UNC80: variants seen among roughly 807,000 people sequenced by gnomAD.
UNC80 encodes unc-80 subunit of NALCN channel complex.
Under a neutral mutation model 384.6 loss-of-function variants are expected in UNC80, and 164 were observed. The observed-to-expected ratio is 0.43, with a 90% CI of 0.38 to 0.49. The LOEUF is 0.49. Ranked by LOEUF, UNC80 falls within the 20% of genes least tolerant of loss-of-function variation. The probability of loss-of-function intolerance (pLI) is 0.00; values close to 1 mark genes in which losing one functional copy is unlikely to be tolerated. For missense variants in UNC80, 3,330 were observed against 4,143.0 expected, an observed-to-expected ratio of 0.80 and a Z score of 5.39; for synonymous variants, 1,486 against 1,527.8, an observed-to-expected ratio of 0.97 and a Z score of 0.64.
chr2:209,841,480 C>T (rs962755640), intron 20 of UNC80, among the ~76,000 whole-genome samples: 3 of 152,106 alleles, frequency 2.0e-5, no homozygotes, highest in South Asian at 2.1e-4. Flanking sequence ...CTCAGCCTCC[C>T]GAGTAGCTGG....
At chr2:209,860,856 C>T (rs767125812) in intron 22 of UNC80, among the ~76,000 whole-genome samples, 8 of 151,882 alleles carry the variant, frequency 5.3e-5, no homozygotes, top group Admixed American at 2.0e-4. Context: ...GCTTGTCTAT[C>T]GCTGCTGTAA....
In UNC80 at chr2:209,996,180, G is replaced by A. The variant is rs1216825891; in HGVS notation, c.*585G>A. On this transcript the variant is annotated 3_prime_UTR_variant, in exon 65 of 65. Transcript: ENST00000673920. Reference sequence around the variant, plus strand: ...AGAAAAAAATACTATATAGAGAGCTGTGGACTTTTAGATATTTATTTTTCA... The same window carrying A: ...AGAAAAAAATACTATATAGAGAGCTATGGACTTTTAGATATTTATTTTTCA... The A allele has an allele frequency of 1.3e-5, 2 of 152,114 alleles. No individual in the cohort carries two copies. The highest frequency in any genetic ancestry group is 4.8e-5 in the African/African-American group (2 of 41,400). The allele number at this position is 152,114 out of a possible 1,614,324, so 9.4% of individuals were successfully genotyped here.
At chr2:209,841,798 T>A (rs141857421) in intron 20 of UNC80, among the ~76,000 whole-genome samples, 2,021 of 152,288 alleles carry the variant, frequency 0.013, 48 homozygotes, top group African/African-American at 0.044. Context: ...TGTATTTGAG[T>A]TTGTGTGGCC....
In UNC80 at chr2:209,816,974, G is replaced by T; in HGVS notation, c.1401G>T (p.Arg467Ser). The change falls in exon 10 of 65, where the codon AGG (arginine) becomes AGT (serine). Residue 467 changes from arginine (R) to serine (S), a missense_variant. Coordinates refer to ENST00000673920, the MANE Select transcript of UNC80 (RefSeq NM_001371986.1). Reference sequence around the variant, plus strand: ...TTCCATTCCACCACACAGGCAAGAGGAGGCCACGGAGAATGGGAGTGCCCT... The same window carrying T: ...TTCCATTCCACCACACAGGCAAGAGTAGGCCACGGAGAATGGGAGTGCCCT... The part of the protein sequence containing the change: ...GSIPFHHTGK[R>S]RPRRMGVPFL... 2 of 1,551,698 alleles carry T rather than the reference G, an allele frequency of 1.3e-6. No individual in the cohort carries two copies. The highest frequency in any genetic ancestry group is 8.7e-7 in the Non-Finnish European group (1 of 1,147,006).
chr2:209,898,100 T>TG (rs1261496575), intron 28 of UNC80, among the ~76,000 whole-genome samples: 7 of 152,136 alleles, frequency 4.6e-5, no homozygotes, highest in Non-Finnish European at 1.0e-4. Flanking sequence ...TGGTGGATTG[T>TG]CTTCTCTTCT....
At chr2:209,977,353 A>T (rs2093039041) in intron 58 of UNC80, among the ~76,000 whole-genome samples, 1 of 152,232 alleles carries the variant, frequency 6.6e-6, no homozygotes, top group Non-Finnish European at 1.5e-5. Flanking sequence ...TTTAGTAGTT[A>T]ATCTCTTTCT....
Position 209,918,671 on chromosome 2 carries a change from A to G in UNC80, c.5343+8A>G, listed in dbSNP as rs1559328590. 6.5e-7 allele frequency: 1 copy of G among 1,542,772 alleles called. No homozygotes were observed. Among genetic ancestry groups the G allele is most frequent in the South Asian group, 1.2e-5 (1 of 82,720 alleles). ...ATTAATGAAGACCAGTCTGTGAGTA[A>G]CAGACACTTCCAGGTTCCATGGTGT... On this transcript the variant is annotated splice_region_variant and intron_variant, in intron 33 of 64. Coordinates refer to ENST00000673920, the MANE Select transcript of UNC80 (RefSeq NM_001371986.1).
intron 6 of UNC80, among the ~76,000 whole-genome samples, chr2:209,790,944 A>C (rs1221008337): frequency 6.6e-6 from 1 of 152,200 alleles, no homozygotes; most frequent in Non-Finnish European, 1.5e-5. Context: ...TCTTAATGTT[A>C]CGTAAAATAA....
At chr2:209,947,966 A>C (rs2124986587) in intron 47 of UNC80, among the ~76,000 whole-genome samples, 1 of 152,304 alleles carries the variant, frequency 6.6e-6, no homozygotes, top group African/African-American at 2.4e-5. Context: ...TCTGTCATTC[A>C]GTATTATTTC....
At chr2:209,902,239 T>G (rs1431574206) in intron 28 of UNC80, among the ~76,000 whole-genome samples, 4 of 152,206 alleles carry the variant, frequency 2.6e-5, no homozygotes, top group Non-Finnish European at 4.4e-5. Flanking sequence ...AAGATGTGAC[T>G]AAATTGCTGC....
At chr2:209,855,530 A>G (rs2082844168) in intron 22 of UNC80, among the ~76,000 whole-genome samples, 1 of 152,188 alleles carries the variant, frequency 6.6e-6, no homozygotes, top group South Asian at 2.1e-4. Context: ...AAAGAAAAAA[A>G]TCTAAAAATC....
At chr2:209,939,720 TTTA>T (rs1042020326) in intron 43 of UNC80, 68 bp downstream of exon 43, 5 of 1,363,810 alleles carry the variant, frequency 3.7e-6, no homozygotes, top group East Asian at 2.5e-5. Context: ...TTTTTAAAAT[TTTA>T]TTATTATTAT....
intron 61 of UNC80, among the ~76,000 whole-genome samples, chr2:209,990,844 C>G (rs569387542): frequency 6.6e-6 from 1 of 152,272 alleles, no homozygotes; most frequent in South Asian, 2.1e-4. Flanking sequence ...TTTTGGTACT[C>G]TTTATGAATT....
chr2:209,818,016 A>G, intron 11 of UNC80, 64 bp downstream of exon 11: 1 of 1,512,908 alleles, frequency 6.6e-7, no homozygotes, highest in South Asian at 1.2e-5. Context: ...CTGTCCTTAC[A>G]CCATGTTACT....
chr2:209,905,731 C>T (rs1224938922), intron 29 of UNC80, among the ~76,000 whole-genome samples: 1 of 152,186 alleles, frequency 6.6e-6, no homozygotes, highest in Admixed American at 6.5e-5. Flanking sequence ...GTAAAAGAGT[C>T]ATCTAGGTCA....
rs774016032 is a variant in UNC80 at position 209,998,027 on chromosome 2, T to C, written c.*2432T>C. 5 of 152,218 alleles carry C rather than the reference T, an allele frequency of 3.3e-5. No homozygotes were observed. Among genetic ancestry groups the C allele is most frequent in the Non-Finnish European group, 5.9e-5 (4 of 68,036 alleles). 9.4% of individuals were successfully genotyped at this position (152,218 alleles called of 1,614,324 possible). The stretch of plus-strand genomic sequence containing the variant: ...TATTATTAAGTACATGACTAAAAGC[T>C]AATTACTACATATGATAAATGCAGT... On this transcript the variant is annotated 3_prime_UTR_variant, in exon 65 of 65. Transcript: ENST00000673920.
chr2:209,913,557 T>A (rs931442736), intron 30 of UNC80, among the ~76,000 whole-genome samples: 48 of 152,208 alleles, frequency 3.2e-4, no homozygotes, highest in African/African-American at 1.1e-3. Context: ...TACTCCTTGG[T>A]CGCAAAGCAA....
intron 15 of UNC80, 99 bp downstream of exon 15, chr2:209,829,478 G>A (rs2153828449): frequency 7.8e-7 from 1 of 1,280,854 alleles, no homozygotes; most frequent in Non-Finnish European, 1.1e-6. Flanking sequence ...GAATTTAGAG[G>A]AAAAGATACG....
chr2:209,809,191 T>G, intron 7 of UNC80: 1 of 657,718 alleles, frequency 1.5e-6, no homozygotes, highest in Non-Finnish European at 2.8e-6. Context: ...GGGCCAAGTG[T>G]GCAAGCAGCT....
Sources: allele counts gnomAD v4.1 joint callset (sites outside exome capture counted in the v4.1 genomes callset), GRCh38; gene constraint gnomAD v4.1.1; transcripts MANE v1.5; gene names NCBI Gene and HGNC (gene_info 2026-07-23, HGNC 2026-07-21).